The following BLTP1 variants were observed in gnomAD, a reference collection of about 807,000 sequenced individuals.
BLTP1 encodes the protein bridge-like lipid transfer protein family member 1.
At chr4:122,301,211 A>C in the BLTP1 span, 26 of 1,385,070 alleles carry the variant, frequency 1.9e-5, no homozygotes, top group Non-Finnish European at 2.5e-5. Flanking sequence ...TAAAAAGAAA[A>C]TATTTTGTGA....
chr4:122,302,256 C>T, the BLTP1 span: 1,326 of 981,626 alleles, frequency 1.4e-3, 11 homozygotes, highest in African/African-American at 0.022. Flanking sequence ...GAGAAATTAA[C>T]GTTGCCAGTT....
chr4:122,214,819 G>T, the BLTP1 span, among the ~76,000 whole-genome samples: 5 of 151,444 alleles, frequency 3.3e-5, no homozygotes, highest in Non-Finnish European at 7.4e-5. Flanking sequence ...GCCATGTTGC[G>T]CAGGCTGGTC....
the BLTP1 span, chr4:122,174,244 T>G: frequency 2.0e-6 from 2 of 985,110 alleles, no homozygotes; most frequent in Non-Finnish European, 2.4e-6. Context: ...TCACTCAAGA[T>G]TCTAAAGAAA....
the BLTP1 span, among the ~76,000 whole-genome samples, chr4:122,157,645 A>C: frequency 6.6e-6 from 1 of 152,180 alleles, no homozygotes; most frequent in African/African-American, 2.4e-5. Context: ...GCCACAGACC[A>C]GTACCAGTCT....
chr4:122,326,334 T>G, the BLTP1 span, among the ~76,000 whole-genome samples: 1 of 151,912 alleles, frequency 6.6e-6, no homozygotes, highest in South Asian at 2.1e-4. Flanking sequence ...AAAAGAACAT[T>G]TATGAAACTA....
the BLTP1 span, chr4:122,197,949 TTTTC>T: frequency 2.0e-6 from 2 of 983,764 alleles, no homozygotes; most frequent in South Asian, 9.4e-5. Context: ...TTCTGCTTTA[TTTTC>T]TTTCTTGAGA....
At chr4:122,346,845 G>C in the BLTP1 span, 1 of 1,538,562 alleles carries the variant, frequency 6.5e-7, no homozygotes, top group Non-Finnish European at 8.7e-7. Context: ...TACTTGGCAG[G>C]GTGTACCATG....
the BLTP1 span, chr4:122,300,842 A>G: frequency 1.2e-6 from 1 of 831,872 alleles, no homozygotes. Context: ...TTTCAAATCA[A>G]TGGAAAGAGA....
the BLTP1 span, chr4:122,269,068 C>T: frequency 1.0e-6 from 1 of 956,620 alleles, no homozygotes; most frequent in Non-Finnish European, 1.2e-6. Flanking sequence ...AGACCCAAAA[C>T]ATTAATACCT....
the BLTP1 span, chr4:122,206,012 AG>A: frequency 1.0e-6 from 1 of 984,568 alleles, no homozygotes; most frequent in South Asian, 4.7e-5. Flanking sequence ...ATGTCTTTAA[AG>A]AGCTTTTATT....
At chr4:122,226,909 T>C in the BLTP1 span, 1 of 1,187,784 alleles carries the variant, frequency 8.4e-7, no homozygotes, top group Non-Finnish European at 1.2e-6. Context: ...AGATATCAGC[T>C]TCAAGTCAAA....
At chr4:122,326,699 A>T in the BLTP1 span, among the ~76,000 whole-genome samples, 1 of 151,674 alleles carries the variant, frequency 6.6e-6, no homozygotes, top group South Asian at 2.1e-4. Context: ...TACTGCTTGT[A>T]AAAAAATGGT....
the BLTP1 span, chr4:122,316,967 T>G: frequency 1.4e-6 from 1 of 708,016 alleles, no homozygotes; most frequent in Non-Finnish European, 2.2e-6. Flanking sequence ...ACTCTTTAGT[T>G]TATCTGTGAT....
At chr4:122,167,117 G>A in the BLTP1 span, among the ~76,000 whole-genome samples, 163 of 152,230 alleles carry the variant, frequency 1.1e-3, no homozygotes, top group African/African-American at 3.8e-3. Context: ...TTATTGAGGT[G>A]TTGTTGCTCT....
the BLTP1 span, among the ~76,000 whole-genome samples, chr4:122,224,288 AG>A: frequency 6.6e-6 from 1 of 151,752 alleles, no homozygotes; most frequent in Non-Finnish European, 1.5e-5. Context: ...TTTTTATAAT[AG>A]TTGGACTCTC....
chr4:122,250,655 T>C, the BLTP1 span: 1 of 1,365,072 alleles, frequency 7.3e-7, no homozygotes, highest in African/African-American at 1.5e-5. Flanking sequence ...AAAATTAGTT[T>C]CTGGAGTGTA....
At chr4:122,229,239 A>C in the BLTP1 span, 1 of 1,597,516 alleles carries the variant, frequency 6.3e-7, no homozygotes, top group South Asian at 1.1e-5. Context: ...ACAAATATAA[A>C]GGTAAGTGTT....
the BLTP1 span, chr4:122,334,610 T>C: frequency 1.3e-6 from 2 of 1,495,166 alleles, no homozygotes; most frequent in Non-Finnish European, 1.8e-6. Flanking sequence ...ACCTACTTGC[T>C]CTTTTGAGAC....
At chr4:122,241,438 A>T in the BLTP1 span, among the ~76,000 whole-genome samples, 1 of 152,214 alleles carries the variant, frequency 6.6e-6, no homozygotes, top group Non-Finnish European at 1.5e-5. Context: ...ATATGATAGG[A>T]TCTCATGTAC....
Sources: gnomAD v4.1 joint callset for allele counts (sites outside exome capture counted in the v4.1 genomes callset) on GRCh38, gnomAD v4.1.1 for gene constraint, MANE v1.5 for transcripts, NCBI Gene and HGNC (gene_info 2026-07-23, HGNC 2026-07-21) for gene names.